AGBL5: variants seen among roughly 807,000 people sequenced by gnomAD.
AGBL5 encodes the protein AGBL carboxypeptidase 5.
A neutral mutation model predicts 88.0 loss-of-function variants in AGBL5; 51 were observed. The observed-to-expected ratio is 0.58, with a 90% confidence interval of 0.46 to 0.73. AGBL5 has a LOEUF of 0.73. Among genes scored for constraint, AGBL5 ranks in the 30% least tolerant of loss-of-function variants. The pLI is 0.00. For missense variants in AGBL5, 1,031 were observed against 1,162.2 expected (o/e 0.89, Z 1.64); for synonymous variants, 446 against 438.8 (o/e 1.02, Z -0.21).
At position 27,059,383 on chromosome 2, in the gene AGBL5, C is replaced by G; in HGVS notation, c.2068C>G (p.Arg690Gly). ...CTCTAGTACCCAAAAGGTCACCCACCGGGTGCTGGGCCCCGTCAGAGGTAA... is the reference window on the plus strand; with the variant it reads ...CTCTAGTACCCAAAAGGTCACCCACGGGGTGCTGGGCCCCGTCAGAGGTAA... ...LGSSTQKVTH[R>G]VLGPVREPRS... Residue 690 changes from arginine to glycine, a missense_variant, in exon 11 of 15, where the codon CGG becomes GGG. Coordinates refer to ENST00000360131, the MANE Select transcript of AGBL5 (RefSeq NM_021831.6). 1 of 1,614,214 alleles carries G rather than the reference C, an allele frequency of 6.2e-7. No individual in the cohort carries two copies. Among genetic ancestry groups the G allele is most frequent in the Non-Finnish European group, 8.5e-7 (1 of 1,180,044 alleles).
intron 9 of AGBL5, 81 bp from the exon 10 acceptor site, chr2:27,058,319 C>A: frequency 6.6e-7 from 1 of 1,512,386 alleles, no homozygotes; most frequent in Non-Finnish European, 9.2e-7. Flanking sequence ...TCCTTCCCTT[C>A]CACTGTGCTG....
chr2:27,066,021 AACT>A (rs1273086301), intron 11 of AGBL5, among the ~76,000 whole-genome samples: 11 of 152,276 alleles, frequency 7.2e-5, no homozygotes, highest in African/African-American at 2.4e-4. Context: ...GCACTTTGGG[AACT>A]GAAGCAGGAG....
At position 27,053,585 on chromosome 2, in the gene AGBL5, A is replaced by G. The variant is rs760711057; in HGVS notation, c.387+12A>G. On this transcript the variant is annotated intron_variant, in intron 3 of 14. Transcript: ENST00000360131. The surrounding 1 kb of genome is among the most constrained non-coding windows in gnomAD (Gnocchi z 4.9). ...GGCCCACCTTTGAGGTAAGTTCTCC[A>G]TGAGGAGGAAAGAAAGACTTGGGTG... The G allele has an allele frequency of 1.9e-6, 3 of 1,599,926 alleles. No individual in the cohort carries two copies. The highest frequency in any genetic ancestry group is 1.7e-6 in the Non-Finnish European group (2 of 1,174,212).
rs1669052859 is a variant in AGBL5, at chr2:27,067,551, GCAGC to G, written c.2149_2152del (p.Ala719HisfsTer46). 1.2e-6 allele frequency: 2 copies of G among 1,613,976 alleles called. No individual in the cohort carries two copies. The highest frequency in any genetic ancestry group is 2.7e-5 in the African/African-American group (2 of 74,896). On this transcript the variant is annotated frameshift_variant, in exon 12 of 15. Coordinates refer to ENST00000360131, the MANE Select transcript of AGBL5 (RefSeq NM_021831.6). LOFTEE classifies it high-confidence loss of function. ...CAGCCCCTGAACCATCGTCCTGCAG[GCAGC>G]CTCGCTCCATCCCCAGCTCCTACTA...
In AGBL5 at chr2:27,053,770, A is replaced by G. The variant is rs1407733391; in HGVS notation, c.388-126A>G. On this transcript the variant is annotated intron_variant, in intron 3 of 14. Coordinates refer to ENST00000360131, the MANE Select transcript of AGBL5 (RefSeq NM_021831.6). This position sits in a 1 kb window ranked among gnomAD's most constrained non-coding sequence, Gnocchi z 4.9. ...CTAGAAGGAGCCACTTTTCATATAG[A>G]AAGTGTCACAGGGAGGGAAGTTGGT... The G allele has an allele frequency of 2.1e-6, 3 of 1,424,878 alleles. No individual in the cohort carries two copies. The African/African-American group carries it at 4.3e-5, about 20-fold the overall frequency. The allele number at this position is 1,424,878 out of a possible 1,614,324, so 88.3% of individuals were successfully genotyped here. A position where few individuals can be genotyped will look rare whatever the true frequency, so the allele number is the denominator to read the frequency against.
intron 6 of AGBL5, 64 bp from the exon 7 acceptor site, chr2:27,055,618 A>T: frequency 6.9e-7 from 1 of 1,450,332 alleles, no homozygotes; most frequent in Non-Finnish European, 9.5e-7. Flanking sequence ...CTTTTCATCT[A>T]CACTAGTGTC....
chr2:27,069,425 C>T (rs878981764), intron 13 of AGBL5, 148 bp from the exon 14 acceptor site: 1 of 1,511,862 alleles, frequency 6.6e-7, no homozygotes. Context: ...ATTATCTTGC[C>T]TCACCCTCTC....
upstream of AGBL5, among the ~76,000 whole-genome samples, chr2:27,051,202 T>G (rs542333604): frequency 2.6e-5 from 4 of 152,156 alleles, no homozygotes; most frequent in Non-Finnish European, 5.9e-5. Flanking sequence ...GGGAAAGAAC[T>G]AAGCAGCAGG....
At position 27,068,470 on chromosome 2, in the gene AGBL5, G is replaced by A. The variant is rs545574053; in HGVS notation, c.2243-162G>A. Among the ~76,000 whole-genome samples the A allele has an allele frequency of 7.6e-4, 115 of 152,224 alleles. 1 individual carries two copies. In the South Asian group the frequency reaches 8.5e-3, roughly 11 times the overall value. On this transcript the variant is annotated intron_variant, in intron 12 of 14. Coordinates refer to ENST00000360131, the MANE Select transcript of AGBL5 (RefSeq NM_021831.6). ...AACAGCATAAATTGTTTAGAGGCTA[G>A]GGATGCTGCGAAACATCCTACAATG...
intron 13 of AGBL5, chr2:27,069,116 G>C: frequency 1.5e-6 from 2 of 1,338,658 alleles, no homozygotes; most frequent in Non-Finnish European, 2.0e-6. Flanking sequence ...GGTTGCTGCT[G>C]CTAGGAACAG....
intron 11 of AGBL5, among the ~76,000 whole-genome samples, chr2:27,066,002 G>A (rs1274443871): frequency 6.6e-6 from 1 of 152,204 alleles, no homozygotes; most frequent in Non-Finnish European, 1.5e-5. Context: ...GCTCACACCT[G>A]TAATCCCAGC....
At chr2:27,059,925 G>C (rs900757081) in intron 11 of AGBL5, among the ~76,000 whole-genome samples, 5 of 152,200 alleles carry the variant, frequency 3.3e-5, no homozygotes, top group Admixed American at 6.5e-5. Context: ...GAGGCAGACA[G>C]ATCACTTGAG....
At position 27,053,252 on chromosome 2, in the gene AGBL5, C is replaced by A; in HGVS notation, c.215+79C>A. Reference sequence around the variant, plus strand: ...AGCCCTCTGACTTATCTGTTCATACCCAGCATACTCCCTGTCCATTTCTGA... The same window carrying A: ...AGCCCTCTGACTTATCTGTTCATACACAGCATACTCCCTGTCCATTTCTGA... On this transcript the variant is annotated intron_variant, in intron 2 of 14. Coordinates refer to ENST00000360131, the MANE Select transcript of AGBL5 (RefSeq NM_021831.6). The surrounding 1 kb of genome is among the most constrained non-coding windows in gnomAD (Gnocchi z 4.9). 1.3e-6 allele frequency: 2 copies of A among 1,515,884 alleles called. No homozygotes were observed. Among genetic ancestry groups the A allele is most frequent in the Non-Finnish European group, 8.9e-7 (1 of 1,119,406 alleles). 93.9% of individuals were successfully genotyped at this position (1,515,884 alleles called of 1,614,324 possible). A position where few individuals can be genotyped will look rare whatever the true frequency, so the allele number is the denominator to read the frequency against.
chr2:27,058,563 A>T lies in AGBL5; in HGVS notation c.1835A>T (p.Asn612Ile). Residue 612 changes from asparagine to isoleucine, a missense_variant, in exon 10 of 15, where the codon AAC becomes ATC. Asn to Ile is a moderately radical substitution (Grantham distance 149). This residue lies in a region of AGBL5 where 491 missense variants were observed against 484.0 expected (regional missense o/e 1.01). Transcript: ENST00000360131. ...AGCAGCACTCTGAATGTGGGTGTCA[A>T]CAAGAAGAGGGGCCTTCGAACTCCA... ...GLSSTLNVGV[N>I]KKRGLRTPPK... The T allele has an allele frequency of 6.2e-7, 1 of 1,614,186 alleles. No homozygotes were observed. The highest frequency in any genetic ancestry group is 1.1e-5 in the South Asian group (1 of 91,082).
chr2:27,054,188 C>T, intron 4 of AGBL5, 129 bp downstream of exon 4: 1 of 1,191,672 alleles, frequency 8.4e-7, no homozygotes. Context: ...AATGTACAGA[C>T]AGGACTTTGG....
intron 11 of AGBL5, among the ~76,000 whole-genome samples, chr2:27,066,877 G>GT (rs1482196798): frequency 6.6e-6 from 1 of 152,108 alleles, no homozygotes; most frequent in Non-Finnish European, 1.5e-5. Flanking sequence ...AAGGTCAGGG[G>GT]TTTGAGACCA....
intron 5 of AGBL5, 69 bp downstream of exon 5, chr2:27,054,876 G>A: frequency 1.3e-6 from 2 of 1,554,646 alleles, no homozygotes; most frequent in Non-Finnish European, 1.7e-6. Flanking sequence ...TATAGCTAAA[G>A]ACTATGTTAT....
Position 27,069,604 on chromosome 2 carries a change from C to G in AGBL5, c.2387C>G (p.Pro796Arg). Residue 796 changes from proline (P) to arginine (R), a missense_variant, in exon 14 of 15, where the codon CCG (proline) becomes CGG (arginine). Pro to Arg is a moderately radical substitution (Grantham distance 103). Coordinates refer to ENST00000360131, the MANE Select transcript of AGBL5 (RefSeq NM_021831.6). Reference sequence around the variant, plus strand: ...CCCAGGTTGGGCCGGGGCTCACCGCCGACTCGCAGAGGGATGAAAGGCTCT... The same window carrying G: ...CCCAGGTTGGGCCGGGGCTCACCGCGGACTCGCAGAGGGATGAAAGGCTCT... ...ARPRLGRGSP[P>R]TRRGMKGSSG... 4 of 1,614,174 alleles carry G rather than the reference C, an allele frequency of 2.5e-6. No individual in the cohort carries two copies. The South Asian group carries it at 3.3e-5, about 13-fold the overall frequency.
At chr2:27,059,163 G>C in intron 10 of AGBL5, 27 bp from the exon 11 acceptor site, 1 of 1,605,972 alleles carries the variant, frequency 6.2e-7, no homozygotes, top group Non-Finnish European at 8.5e-7. Context: ...TCCTGGCCCG[G>C]GTTAACTGGC....
Sources: allele counts gnomAD v4.1 joint callset (sites outside exome capture counted in the v4.1 genomes callset), GRCh38; gene constraint gnomAD v4.1.1; regional missense constraint gnomAD v4.1.1; non-coding constraint Gnocchi (gnomAD v3.1); transcripts MANE v1.5; gene names NCBI Gene and HGNC (gene_info 2026-07-23, HGNC 2026-07-21).